FBXL7: variants seen among roughly 807,000 people sequenced by gnomAD.
The protein encoded by FBXL7 is F-box/LRR-repeat protein 7.
FBXL7 carries 12 observed loss-of-function variants against 38.3 expected under a neutral mutation model. That is an observed-to-expected ratio of 0.31 (90% CI 0.20 to 0.51). The LOEUF (loss-of-function observed/expected upper bound fraction) is 0.51. Among genes scored for constraint, FBXL7 ranks in the 20% least tolerant of loss-of-function variants. FBXL7 has a pLI of 0.98. For missense variants in FBXL7, 567 were observed against 676.4 expected (o/e 0.84, Z 1.79); for synonymous variants, 297 against 300.9 (o/e 0.99, Z 0.13).
At chr5:15,930,163 T>C (rs943584907) in intron 3 of FBXL7, among the ~76,000 whole-genome samples, 5 of 152,190 alleles carry the variant, frequency 3.3e-5, no homozygotes, top group Non-Finnish European at 7.3e-5. Context: ...GAGTAGCCAG[T>C]GGCATCGAGA....
intron 2 of FBXL7, among the ~76,000 whole-genome samples, chr5:15,694,588 T>C (rs554742464): frequency 1.3e-5 from 2 of 152,292 alleles, no homozygotes; most frequent in African/African-American, 4.8e-5. Context: ...ACAGATCTTT[T>C]CCCAAATAGG....
intron 2 of FBXL7, among the ~76,000 whole-genome samples, chr5:15,868,955 A>G (rs1278544873): frequency 6.6e-6 from 1 of 152,136 alleles, no homozygotes; most frequent in Non-Finnish European, 1.5e-5. Flanking sequence ...GACTTCAAAC[A>G]ATACGTACTT....
chr5:15,644,932 A>T (rs539368825), intron 2 of FBXL7, among the ~76,000 whole-genome samples: 7 of 152,184 alleles, frequency 4.6e-5, no homozygotes, highest in African/African-American at 1.7e-4. Context: ...CTCCCTGCAG[A>T]TCTGCAGCAC....
intron 2 of FBXL7, among the ~76,000 whole-genome samples, chr5:15,868,102 CAAAAAAAAAAA>C (rs35879964): frequency 1.8e-3 from 106 of 59,928 alleles, no homozygotes; most frequent in African/African-American, 4.8e-3. Context: ...GACTCCGTCT[CAAAAAAAAAAA>C]AAAAAAAAAA....
At chr5:15,658,176 G>A (rs1741940292) in intron 2 of FBXL7, among the ~76,000 whole-genome samples, 1 of 152,210 alleles carries the variant, frequency 6.6e-6, no homozygotes, top group African/African-American at 2.4e-5. Context: ...ATGCATCAGA[G>A]TAGGAATATT....
chr5:15,806,987 G>T (rs1737731647), intron 2 of FBXL7, among the ~76,000 whole-genome samples: 1 of 151,860 alleles, frequency 6.6e-6, no homozygotes, highest in Non-Finnish European at 1.5e-5. Flanking sequence ...TTTCGCTCTT[G>T]TTGCCCAGGC....
chr5:15,636,732 C>A (rs1363271620), intron 2 of FBXL7, among the ~76,000 whole-genome samples: 1 of 99,968 alleles, frequency 1.0e-5, no homozygotes, highest in South Asian at 3.2e-4. Flanking sequence ...TTGGCTTTTT[C>A]TTTCATAAAT....
intron 2 of FBXL7, among the ~76,000 whole-genome samples, chr5:15,665,382 C>G (rs1390109799): frequency 6.6e-6 from 1 of 152,136 alleles, no homozygotes; most frequent in Non-Finnish European, 1.5e-5. Flanking sequence ...TTCTCTCTAC[C>G]TATCTATACG....
intron 2 of FBXL7, among the ~76,000 whole-genome samples, chr5:15,834,288 A>G (rs918311422): frequency 1.2e-4 from 18 of 152,316 alleles, no homozygotes; most frequent in African/African-American, 4.1e-4. Context: ...AGCCTAGATT[A>G]TGTGATGTTA....
At chr5:15,646,883 A>G (rs1391608958) in intron 2 of FBXL7, among the ~76,000 whole-genome samples, 1 of 152,200 alleles carries the variant, frequency 6.6e-6, no homozygotes, top group African/African-American at 2.4e-5. Flanking sequence ...TGATTCTAGA[A>G]TGTATTGAAG....
chr5:15,583,103 G>A (rs893928262), intron 1 of FBXL7, among the ~76,000 whole-genome samples: 6 of 152,132 alleles, frequency 3.9e-5, no homozygotes, highest in Non-Finnish European at 7.3e-5. Context: ...GGGGAAGCAG[G>A]CATGTCTTAC....
At chr5:15,927,811 A>C in intron 2 of FBXL7, 79 bp from the exon 3 acceptor site, 1 of 1,125,970 alleles carries the variant, frequency 8.9e-7, no homozygotes. Context: ...AAGAAAAGAA[A>C]GAAACCAGTG....
chr5:15,906,111 T>G (rs911764009), intron 2 of FBXL7, among the ~76,000 whole-genome samples: 2 of 152,080 alleles, frequency 1.3e-5, no homozygotes, highest in Admixed American at 6.6e-5. Flanking sequence ...TGGTTCTAAA[T>G]AAAGATCATC....
intron 1 of FBXL7, among the ~76,000 whole-genome samples, chr5:15,606,278 T>G (rs1404772191): frequency 6.6e-6 from 1 of 152,020 alleles, no homozygotes; most frequent in South Asian, 2.1e-4. Flanking sequence ...AGAACACACA[T>G]ACATGCGCAC....
intron 2 of FBXL7, among the ~76,000 whole-genome samples, chr5:15,633,719 T>A (rs1741071980): frequency 6.7e-6 from 1 of 150,078 alleles, no homozygotes; most frequent in South Asian, 2.1e-4. Context: ...TCTGGAACTT[T>A]TAATCATGTA....
intron 2 of FBXL7, among the ~76,000 whole-genome samples, chr5:15,867,907 C>A (rs1392980333): frequency 6.6e-6 from 1 of 152,044 alleles, no homozygotes; most frequent in Non-Finnish European, 1.5e-5. Context: ...AGATCAAGAC[C>A]ATCCTGGCCA....
rs765129660 is a variant in FBXL7, at chr5:15,928,265, G to C, written c.503G>C (p.Arg168Pro). ...RLTGETINVD[R>P]ALKVLTRRLC... ...ACGGGCGAGACCATCAACGTGGACC[G>C]CGCCCTCAAGGTGCTGACCCGCAGA... Residue 168 changes from arginine to proline, a missense_variant, in exon 3 of 4, where the codon CGC becomes CCC. By Grantham distance (103) the Arg-to-Pro change is moderately radical. Coordinates refer to ENST00000504595, the MANE Select transcript of FBXL7 (RefSeq NM_012304.5). This position sits in a 1 kb window ranked among gnomAD's most constrained non-coding sequence, Gnocchi z 4.0. The C allele has an allele frequency of 3.7e-6, 6 of 1,612,156 alleles. No individual in the cohort carries two copies. The highest frequency in any genetic ancestry group is 3.4e-6 in the Non-Finnish European group (4 of 1,179,200).
intron 2 of FBXL7, among the ~76,000 whole-genome samples, chr5:15,701,677 A>G (rs1265811496): frequency 6.6e-6 from 1 of 152,232 alleles, no homozygotes; most frequent in Non-Finnish European, 1.5e-5. Flanking sequence ...TAATAGAAAA[A>G]CAATATTCAT....
intron 2 of FBXL7, among the ~76,000 whole-genome samples, chr5:15,679,070 A>T (rs796939817): frequency 6.6e-5 from 10 of 152,210 alleles, no homozygotes; most frequent in African/African-American, 2.2e-4. Context: ...ACACAGCTGA[A>T]AATTGCATTG....
Sources: allele counts gnomAD v4.1 joint callset (sites outside exome capture counted in the v4.1 genomes callset), GRCh38; gene constraint gnomAD v4.1.1; non-coding constraint Gnocchi (gnomAD v3.1); transcripts MANE v1.5; gene names NCBI Gene and HGNC (gene_info 2026-07-23, HGNC 2026-07-21).